The following TMX1 variants were observed in gnomAD, a reference collection of about 807,000 sequenced individuals.
TMX1 encodes thioredoxin related transmembrane protein 1.
A neutral mutation model predicts 36.6 loss-of-function variants in TMX1; 25 were observed. That is an observed-to-expected ratio of 0.68 (90% CI 0.50 to 0.95). The LOEUF (loss-of-function observed/expected upper bound fraction) is 0.95. Among genes scored for constraint, TMX1 ranks in the 40% least tolerant of loss-of-function variants. TMX1 has a pLI of 0.00. For synonymous variants in TMX1, 133 were observed against 118.0 expected (o/e 1.13, Z -0.82); for missense variants, 347 against 339.6 (o/e 1.02, Z -0.17).
Position 51,256,183 on chromosome 14 carries a change from A to G in TMX1, c.*1664A>G, listed in dbSNP as rs535222359. The G allele has an allele frequency of 2.0e-5, 3 of 152,278 alleles. No individual in the cohort carries two copies. The highest frequency in any genetic ancestry group is 2.9e-5 in the Non-Finnish European group (2 of 67,912). 9.4% of individuals were successfully genotyped at this position (152,278 alleles called of 1,614,324 possible). A position where few individuals can be genotyped will look rare whatever the true frequency, so the allele number is the denominator to read the frequency against. On this transcript the variant is annotated 3_prime_UTR_variant, in exon 8 of 8. Coordinates refer to ENST00000457354, the MANE Select transcript of TMX1 (RefSeq NM_030755.5). Reference sequence around the variant, plus strand: ...AATCAAAAGACTGCCTTCTTTTTCTATTGAGATGTTTAAGGACAGTAATGC... The same window carrying G: ...AATCAAAAGACTGCCTTCTTTTTCTGTTGAGATGTTTAAGGACAGTAATGC...
chr14:51,251,024 T>C (rs2065810119), intron 7 of TMX1, among the ~76,000 whole-genome samples: 1 of 152,202 alleles, frequency 6.6e-6, no homozygotes, highest in South Asian at 2.1e-4. Flanking sequence ...AAGACAAATG[T>C]ATTGTTAGGT....
intron 1 of TMX1, among the ~76,000 whole-genome samples, chr14:51,241,647 C>T (rs2065762074): frequency 6.6e-6 from 1 of 152,048 alleles, no homozygotes; most frequent in Admixed American, 6.5e-5. Flanking sequence ...CCCAGGGGTT[C>T]AAGAGATCCT....
At chr14:51,250,693 G>T (rs61984158) in intron 7 of TMX1, among the ~76,000 whole-genome samples, 1 of 151,920 alleles carries the variant, frequency 6.6e-6, no homozygotes, top group Non-Finnish European at 1.5e-5. Context: ...GGGTTTCACT[G>T]TGTTAGCCAG....
chr14:51,248,038 G>A (rs145405360), intron 4 of TMX1, among the ~76,000 whole-genome samples: 217 of 152,330 alleles, frequency 1.4e-3, no homozygotes, highest in Admixed American at 2.5e-3. Context: ...TATTCCACCT[G>A]TCTGATAACT....
chr14:51,250,690 A>G (rs1405524500), intron 7 of TMX1, among the ~76,000 whole-genome samples: 2 of 151,994 alleles, frequency 1.3e-5, no homozygotes, highest in Admixed American at 6.5e-5. Flanking sequence ...ACGGGGTTTC[A>G]CTGTGTTAGC....
At chr14:51,243,204 T>C (rs1355097914) in intron 1 of TMX1, among the ~76,000 whole-genome samples, 1 of 152,094 alleles carries the variant, frequency 6.6e-6, no homozygotes, top group Admixed American at 6.5e-5. Context: ...ATTTAAATGC[T>C]AATATGCTTG....
chr14:51,249,605 A>G, intron 6 of TMX1, 36 bp downstream of exon 6: 1 of 1,599,126 alleles, frequency 6.3e-7, no homozygotes, highest in Non-Finnish European at 8.5e-7. Context: ...AGGAAGAAAG[A>G]TATTTAAAAA....
At chr14:51,249,280 A>G in intron 4 of TMX1, 46 bp from the exon 5 acceptor site, 1 of 1,498,234 alleles carries the variant, frequency 6.7e-7, no homozygotes, top group Non-Finnish European at 9.1e-7. Context: ...GTATAGACAA[A>G]TCTGTGTATG....
chr14:51,253,212 T>C (rs1448271302), intron 7 of TMX1, among the ~76,000 whole-genome samples: 1 of 152,226 alleles, frequency 6.6e-6, no homozygotes, highest in Non-Finnish European at 1.5e-5. Context: ...TTATACACTG[T>C]TGAATATTTA....
intron 2 of TMX1, among the ~76,000 whole-genome samples, chr14:51,244,578 C>G (rs1321066946): frequency 6.6e-6 from 1 of 151,802 alleles, no homozygotes; most frequent in African/African-American, 2.4e-5. Context: ...CAGGTCCTGC[C>G]CTTAAGGAGG....
chr14:51,254,643 A>C lies in TMX1; in HGVS notation c.*124A>C, dbSNP rs551594173. 1.3e-3 allele frequency: 1,049 copies of C among 815,628 alleles called. 2 individuals carry two copies. Among genetic ancestry groups the C allele is most frequent in the Non-Finnish European group, 1.7e-3 (919 of 534,532 alleles). The allele number at this position is 815,628 out of a possible 1,614,324, so 50.5% of individuals were successfully genotyped here. A position where few individuals can be genotyped will look rare whatever the true frequency, so the allele number is the denominator to read the frequency against. On this transcript the variant is annotated 3_prime_UTR_variant, in exon 8 of 8. Transcript: ENST00000457354. ...CAGGGTTCAGTCTAGATTGTCATTA[A>C]ATTGAAGAGTCTACATTCAGAACAT... is the stretch of plus-strand genomic sequence containing the variant.
At chr14:51,250,936 A>G (rs1306250088) in intron 7 of TMX1, among the ~76,000 whole-genome samples, 1 of 152,228 alleles carries the variant, frequency 6.6e-6, no homozygotes, top group African/African-American at 2.4e-5. Flanking sequence ...TAAAAAGGAC[A>G]TGCATAGGGG....
chr14:51,254,718 G>A lies in TMX1; in HGVS notation c.*199G>A, dbSNP rs527419366. 1.5e-5 allele frequency: 6 copies of A among 400,184 alleles called. No homozygotes were observed. The highest frequency in any genetic ancestry group is 1.0e-4 in the African/African-American group (5 of 48,348). 24.8% of individuals were successfully genotyped at this position (400,184 alleles called of 1,614,324 possible). ...AAATATGATTTAAGCACAGTATGAT[G>A]GTTTAAATAGTTCTCTAATTTTTGA... On this transcript the variant is annotated 3_prime_UTR_variant, in exon 8 of 8. Transcript: ENST00000457354.
At chr14:51,247,312 C>A in intron 4 of TMX1, 92 bp downstream of exon 4, 1 of 1,244,964 alleles carries the variant, frequency 8.0e-7, no homozygotes, top group Non-Finnish European at 1.1e-6. Flanking sequence ...CAGTTTGTTT[C>A]TTGAGCTGTT....
In TMX1 at chr14:51,254,484, T is replaced by C. The variant is rs1312882288; in HGVS notation, c.808T>C (p.Ser270Pro). 1 of 1,605,470 alleles carries C rather than the reference T, an allele frequency of 6.2e-7. No individual in the cohort carries two copies. Among genetic ancestry groups the C allele is most frequent in the Non-Finnish European group, 8.5e-7 (1 of 1,177,808 alleles). ...TCCACAGAATGCCATAAGACAACGC[T>C]CTCTGGGTCCATCATTGGCCACAGA... is the stretch of plus-strand genomic sequence containing the variant. ...DFPQNAIRQR[S>P]LGPSLATDKS The change falls in exon 8 of 8, where the codon TCT becomes CCT. Residue 270 changes from serine (S) to proline (P), a missense_variant. By Grantham distance (74) the Ser-to-Pro change is moderately conservative. Coordinates refer to ENST00000457354, the MANE Select transcript of TMX1 (RefSeq NM_030755.5).
rs371290049 is a variant in TMX1, at chr14:51,243,895, G to A, written c.192G>A (p.Pro64=). Residue 64 remains proline (P), a synonymous_variant, in exon 2 of 8, where the codon CCG becomes CCA. Coordinates refer to ENST00000457354, the MANE Select transcript of TMX1 (RefSeq NM_030755.5). The part of the protein sequence containing the change: ...PWCPACQNLQ[P]EWESFAEWGE... ...GCCCTGCTTGTCAAAATCTTCAACC[G>A]GAATGGGAAAGTTTTGCTGAATGGG... 4.3e-6 allele frequency: 7 copies of A among 1,610,152 alleles called. No individual in the cohort carries two copies. The highest frequency in any genetic ancestry group is 1.6e-4 in the Middle Eastern group (1 of 6,072).
Position 51,245,214 on chromosome 14 carries a change from A to C in TMX1, c.269-99A>C, listed in dbSNP as rs141962717. 239 of 1,356,862 alleles carry C rather than the reference A, an allele frequency of 1.8e-4. No individual in the cohort carries two copies. The African/African-American group carries it at 2.9e-3, about 17-fold the overall frequency. 84.1% of individuals were successfully genotyped at this position (1,356,862 alleles called of 1,614,324 possible). On this transcript the variant is annotated intron_variant, in intron 2 of 7. Coordinates refer to ENST00000457354, the MANE Select transcript of TMX1 (RefSeq NM_030755.5). ...GCTCAACTATTAGGTATAATTTCATATTCTTTCCTATTAGTATGTATTTAA... is the reference window on the plus strand; with the variant it reads ...GCTCAACTATTAGGTATAATTTCATCTTCTTTCCTATTAGTATGTATTTAA...
intron 3 of TMX1, 159 bp downstream of exon 3, chr14:51,245,517 G>T: frequency 6.6e-7 from 1 of 1,516,574 alleles, no homozygotes; most frequent in South Asian, 1.2e-5. Flanking sequence ...TATCCTAGGT[G>T]CCTTTAGGTA....
At chr14:51,240,574 T>C (rs1237097330) in intron 1 of TMX1, 130 bp downstream of exon 1, 5 of 1,313,176 alleles carry the variant, frequency 3.8e-6, no homozygotes, top group Non-Finnish European at 5.1e-6. Context: ...CCCCGACTTC[T>C]GCAGCTCCCC....
Sources: gnomAD v4.1 joint callset for allele counts (sites outside exome capture counted in the v4.1 genomes callset) on GRCh38, gnomAD v4.1.1 for gene constraint, MANE v1.5 for transcripts, NCBI Gene and HGNC (gene_info 2026-07-23, HGNC 2026-07-21) for gene names.